The following BEAN1 variants were observed in gnomAD, a reference collection of about 807,000 sequenced individuals.
BEAN1 encodes brain expressed associated with NEDD4 1.
A neutral mutation model predicts 17.7 loss-of-function variants in BEAN1; 17 were observed. The observed-to-expected ratio is 0.96, with a 90% CI of 0.66 to 1.44. BEAN1 has a LOEUF of 1.44. Ranked by LOEUF, BEAN1 falls within the 40% of genes most tolerant of loss-of-function variation. BEAN1 has a pLI of 0.00. For missense variants in BEAN1, 359 were observed against 374.1 expected, an observed-to-expected ratio of 0.96 and a Z score of 0.33; for synonymous variants, 142 against 151.8, an observed-to-expected ratio of 0.94 and a Z score of 0.47.
At chr16:66,460,801 C>T (rs1963053306) in intron 2 of BEAN1, among the ~76,000 whole-genome samples, 1 of 152,218 alleles carries the variant, frequency 6.6e-6, no homozygotes, top group Non-Finnish European at 1.5e-5. Flanking sequence ...GCTAAGAGCA[C>T]AGGGCTTCAG....
chr16:66,452,476 G>A (rs1962708524), intron 2 of BEAN1, among the ~76,000 whole-genome samples: 1 of 152,162 alleles, frequency 6.6e-6, no homozygotes, highest in South Asian at 2.1e-4. Context: ...GGGCAGCATG[G>A]TGAACAGTGA....
chr16:66,493,639 G>T (rs576899554), downstream of BEAN1: 52 of 487,042 alleles, frequency 1.1e-4, no homozygotes, highest in Non-Finnish European at 1.8e-4. Flanking sequence ...GGTGCAGCAG[G>T]GGGCAGCCCC....
chr16:66,473,177 G>GGGCA lies in BEAN1; in HGVS notation c.289+3316_289+3319dup, dbSNP rs1320574818. Among the ~76,000 whole-genome samples the GGGCA allele has an allele frequency of 6.6e-6, 1 of 152,146 alleles. No individual in the cohort carries two copies. Among genetic ancestry groups the GGGCA allele is most frequent in the African/African-American group, 2.4e-5 (1 of 41,434 alleles). ...GCGCAGAGGAAAGAGATGGGCTTAG[G>GGGCA]GGCAGGCCAGCCCCTCTGTAGCCTG... On this transcript the variant is annotated intron_variant, in intron 3 of 4. Transcript: ENST00000536005. This position sits in a 1 kb window ranked among gnomAD's most constrained non-coding sequence, Gnocchi z 4.5.
chr16:66,437,107 A>G (rs1385434303), intron 1 of BEAN1, among the ~76,000 whole-genome samples: 4 of 150,916 alleles, frequency 2.7e-5, no homozygotes, highest in Admixed American at 2.7e-4. Context: ...TGTTGGGGTA[A>G]TAATAATAAT....
In BEAN1 at chr16:66,437,930, C is replaced by G. The variant is rs981921474; in HGVS notation, c.25+229C>G. Reference sequence around the variant, plus strand: ...ACTTTGGCCCATTCTTCTGTATCAGCCCTTCCCGAAGTGTGGATCGGAGTT... The same window carrying G: ...ACTTTGGCCCATTCTTCTGTATCAGGCCTTCCCGAAGTGTGGATCGGAGTT... On this transcript the variant is annotated intron_variant, in intron 2 of 4. Coordinates refer to ENST00000536005, the MANE Select transcript of BEAN1 (RefSeq NM_001178020.3). 1.6e-5 allele frequency: 10 copies of G among 633,630 alleles called. No individual in the cohort carries two copies. In the African/African-American group the frequency reaches 1.8e-4, roughly 11 times the overall value. The allele number at this position is 633,630 out of a possible 1,614,324, so 39.3% of individuals were successfully genotyped here. A position where few individuals can be genotyped will look rare whatever the true frequency, so the allele number is the denominator to read the frequency against.
intron 2 of BEAN1, among the ~76,000 whole-genome samples, chr16:66,459,768 A>G (rs1781723687): frequency 6.6e-6 from 1 of 152,162 alleles, no homozygotes; most frequent in Non-Finnish European, 1.5e-5. Flanking sequence ...CAGGGCCCCA[A>G]GATTCTCCTA....
intron 2 of BEAN1, among the ~76,000 whole-genome samples, chr16:66,460,594 G>A (rs1485669598): frequency 6.6e-6 from 1 of 152,178 alleles, no homozygotes; most frequent in East Asian, 1.9e-4. Context: ...TGGAATCCTG[G>A]TATCTTATGG....
chr16:66,468,165 C>T (rs1423784756), intron 2 of BEAN1, among the ~76,000 whole-genome samples: 1 of 152,220 alleles, frequency 6.6e-6, no homozygotes, highest in Non-Finnish European at 1.5e-5. Flanking sequence ...CATCGCAAGG[C>T]CTCCCTGCCA....
chr16:66,482,552 GT>G lies in BEAN1; in HGVS notation c.*1631del. On this transcript the variant is annotated 3_prime_UTR_variant, in exon 5 of 5. Transcript: ENST00000536005. Reference sequence around the variant, plus strand: ...GTTCTGACCACCTTAGTGGTGTACTGTTTTCTAGGCAAAAAATATCTGTCTG... The same window carrying G: ...GTTCTGACCACCTTAGTGGTGTACTGTTTCTAGGCAAAAAATATCTGTCTG... The G allele has an allele frequency of 3.3e-6, 1 of 301,732 alleles. No homozygotes were observed. The highest frequency in any genetic ancestry group is 2.7e-5 in the South Asian group (1 of 37,166). The allele number at this position is 301,732 out of a possible 1,614,324, so 18.7% of individuals were successfully genotyped here.
chr16:66,480,762 A>G lies in BEAN1; in HGVS notation c.617A>G (p.His206Arg). 1 of 1,551,414 alleles carries G rather than the reference A, an allele frequency of 6.4e-7. No individual in the cohort carries two copies. Among genetic ancestry groups the G allele is most frequent in the Non-Finnish European group, 8.7e-7 (1 of 1,146,898 alleles). ...EQRTPAQGGL[H>R]TVSMDTLPPY... The stretch of plus-strand genomic sequence containing the variant: ...AGGACCCCGGCCCAAGGTGGCCTTC[A>G]CACGGTCTCCATGGACACCCTTCCC... Residue 206 changes from histidine to arginine, a missense_variant, in exon 5 of 5, where the codon CAC becomes CGC. Coordinates refer to ENST00000536005, the MANE Select transcript of BEAN1 (RefSeq NM_001178020.3).
At chr16:66,447,264 T>C (rs1349384739) in intron 2 of BEAN1, among the ~76,000 whole-genome samples, 1 of 151,978 alleles carries the variant, frequency 6.6e-6, no homozygotes, top group Non-Finnish European at 1.5e-5. Flanking sequence ...AGGAAGAGGA[T>C]TGGAGGTGAA....
At chr16:66,455,031 C>T (rs567681678) in intron 2 of BEAN1, among the ~76,000 whole-genome samples, 36 of 152,252 alleles carry the variant, frequency 2.4e-4, no homozygotes, top group African/African-American at 8.7e-4. Context: ...TGATCAATTT[C>T]CAGGAACTGC....
chr16:66,450,681 G>A (rs1472567382), intron 2 of BEAN1, among the ~76,000 whole-genome samples: 1 of 152,072 alleles, frequency 6.6e-6, no homozygotes, highest in Non-Finnish European at 1.5e-5. Context: ...TTGTGCCACT[G>A]TACTCCAGGC....
At position 66,469,604 on chromosome 16, in the gene BEAN1, G is replaced by A. The variant is rs1963390087; in HGVS notation, c.28G>A (p.Ala10Thr). Reference sequence around the variant, plus strand: ...GTGTCCTCTCTCTCTGTCCACAGTAGCACGATACAACCGCACCAGCTACTT... The same window carrying A: ...GTGTCCTCTCTCTCTGTCCACAGTAACACGATACAACCGCACCAGCTACTT... MSFKRPCPL[A>T]RYNRTSYFYP... Residue 10 changes from alanine to threonine, a missense_variant and splice_region_variant, in exon 3 of 5, where the codon GCA becomes ACA. Physicochemically the swap from Ala to Thr is moderately conservative, Grantham distance 58. Coordinates refer to ENST00000536005, the MANE Select transcript of BEAN1 (RefSeq NM_001178020.3). 2.0e-6 allele frequency: 3 copies of A among 1,535,676 alleles called. No individual in the cohort carries two copies. The highest frequency in any genetic ancestry group is 2.6e-6 in the Non-Finnish European group (3 of 1,146,550).
intron 3 of BEAN1, among the ~76,000 whole-genome samples, chr16:66,474,605 A>AGGGAGGGAGG (rs1963640670): frequency 2.9e-4 from 2 of 6,966 alleles, no homozygotes; most frequent in African/African-American, 6.8e-4. Flanking sequence ...AGGGAGGGAG[A>AGGGAGGGAGG]GAGGGAGGGA....
At chr16:66,429,233 G>A (rs1053292806) in intron 1 of BEAN1, among the ~76,000 whole-genome samples, 3 of 152,190 alleles carry the variant, frequency 2.0e-5, no homozygotes, top group Non-Finnish European at 2.9e-5. Flanking sequence ...TTGATTCTTC[G>A]CAGACTATGA....
At chr16:66,453,520 G>A (rs150625521) in intron 2 of BEAN1, among the ~76,000 whole-genome samples, 5 of 151,770 alleles carry the variant, frequency 3.3e-5, no homozygotes, top group South Asian at 2.1e-4. Flanking sequence ...CACCATACCC[G>A]GCTAACTTTT....
At chr16:66,445,475 C>CAAAAAAAAAAAAAAAAA (rs61540693) in intron 2 of BEAN1, among the ~76,000 whole-genome samples, 4 of 49,304 alleles carry the variant, frequency 8.1e-5, no homozygotes, top group Non-Finnish European at 1.4e-4. Flanking sequence ...GACTCCGTCT[C>CAAAAAAAAAAAAAAAAA]AAAAAAAAAA....
At chr16:66,474,605 AGAGGGAGGGAGGAAGGGAGGGAGGGAGG>A (rs1963641451) in intron 3 of BEAN1, among the ~76,000 whole-genome samples, 1 of 6,954 alleles carries the variant, frequency 1.4e-4, no homozygotes, top group Non-Finnish European at 2.3e-4. Context: ...AGGGAGGGAG[AGAGGGAGGGAGGAAGGGAGGGAGGGAGG>A]GAGGGAGGGA....
Sources: allele counts gnomAD v4.1 joint callset (sites outside exome capture counted in the v4.1 genomes callset), GRCh38; gene constraint gnomAD v4.1.1; non-coding constraint Gnocchi (gnomAD v3.1); transcripts MANE v1.5; gene names NCBI Gene and HGNC (gene_info 2026-07-23, HGNC 2026-07-21).